The following DNAAF11 variants were observed in gnomAD, a reference collection of about 807,000 sequenced individuals.
DNAAF11 encodes the protein dynein axonemal assembly factor 11, also known as leucine rich repeat containing 6.
Under a neutral mutation model 60.8 loss-of-function variants are expected in DNAAF11, and 45 were observed. The ratio of observed to expected loss-of-function variants is 0.74; its 90% confidence interval spans 0.58 to 0.95. The LOEUF is 0.95. Among genes scored for constraint, DNAAF11 ranks in the 40% least tolerant of loss-of-function variants. The probability of loss-of-function intolerance (pLI) is 0.00; values close to 1 mark genes in which losing one functional copy is unlikely to be tolerated. For missense variants in DNAAF11, 546 were observed against 546.2 expected (o/e 1.00, Z 0.00); for synonymous variants, 191 against 183.5 (o/e 1.04, Z -0.33).
At chr8:132,601,484 T>G (rs1817614731) in intron 10 of DNAAF11, among the ~76,000 whole-genome samples, 1 of 152,218 alleles carries the variant, frequency 6.6e-6, no homozygotes, top group Non-Finnish European at 1.5e-5. Context: ...GTATGTTTAT[T>G]GCAGCACTAT....
In DNAAF11 at chr8:132,595,347, G is replaced by GAAAAAAAAAAA. The variant is rs1563992420; in HGVS notation, c.1141-11569_1141-11568insTTTTTTTTTTT. On this transcript the variant is annotated intron_variant, in intron 10 of 11. Coordinates refer to ENST00000620350, the MANE Select transcript of DNAAF11 (RefSeq NM_012472.6). ...TTCCCGAAAGAGAGAGAGACAGAGG[G>GAAAAAAAAAAA]GAAAAAAAAAAAAAAAAAAAAAAAA... 2.7e-4 allele frequency among the ~76,000 whole-genome samples: 11 copies of GAAAAAAAAAAA among 40,680 alleles called. 4 individuals are homozygous for GAAAAAAAAAAA. Among genetic ancestry groups the GAAAAAAAAAAA allele is most frequent in the African/African-American group, 3.2e-4 (4 of 12,570 alleles). 26.7% of individuals were successfully genotyped at this position (40,680 alleles called of 152,430 possible).
intron 3 of DNAAF11, among the ~76,000 whole-genome samples, chr8:132,639,168 A>G (rs1180542745): frequency 1.3e-5 from 2 of 152,220 alleles, no homozygotes; most frequent in African/African-American, 4.8e-5. Flanking sequence ...TGTGGAAAGA[A>G]GCAAGCACAG....
At chr8:132,701,865 T>C in the DNAAF11 span, among the ~76,000 whole-genome samples, 1 of 152,082 alleles carries the variant, frequency 6.6e-6, no homozygotes, top group Non-Finnish European at 1.5e-5. Flanking sequence ...TGACCCCAGA[T>C]GGTGGCAGCT....
chr8:132,693,172 A>T, the DNAAF11 span, among the ~76,000 whole-genome samples: 6 of 152,176 alleles, frequency 3.9e-5, no homozygotes, highest in Non-Finnish European at 8.8e-5. Flanking sequence ...GCAATGGAGA[A>T]GGGGACCCAG....
At chr8:132,641,027 C>T (rs1223195004) in intron 3 of DNAAF11, among the ~76,000 whole-genome samples, 2 of 151,916 alleles carry the variant, frequency 1.3e-5, no homozygotes, top group Non-Finnish European at 2.9e-5. Context: ...TGAGTTCATG[C>T]CAATATAAGA....
At chr8:132,677,671 G>T (rs1038157196), upstream of DNAAF11, among the ~76,000 whole-genome samples, 1 of 152,078 alleles carries the variant, frequency 6.6e-6, no homozygotes, top group African/African-American at 2.4e-5. Context: ...TTGAGCCCAG[G>T]AGTTCGAGGC....
At chr8:132,674,136 A>AGGAGGAGGAGGAGGAGG (rs1825494296) in intron 1 of DNAAF11, among the ~76,000 whole-genome samples, 1 of 36,118 alleles carries the variant, frequency 2.8e-5, no homozygotes, top group Non-Finnish European at 5.8e-5. Flanking sequence ...GGAGGAGGAG[A>AGGAGGAGGAGGAGGAGG]AGGAGGAGGA....
intron 10 of DNAAF11, among the ~76,000 whole-genome samples, chr8:132,590,867 A>G (rs915768354): frequency 2.6e-5 from 4 of 152,226 alleles, no homozygotes; most frequent in Non-Finnish European, 4.4e-5. Flanking sequence ...GAACCAGAAA[A>G]ATGTGGTCAC....
the DNAAF11 span, among the ~76,000 whole-genome samples, chr8:132,697,500 C>A: frequency 6.6e-6 from 1 of 152,066 alleles, no homozygotes; most frequent in East Asian, 1.9e-4. Flanking sequence ...CACCTGTAAT[C>A]CCCGCTGCTT....
In DNAAF11 at chr8:132,609,066, T is replaced by C. The variant is rs560901628; in HGVS notation, c.1140+1100A>G. Among the ~76,000 whole-genome samples, 11 of 152,316 alleles carry C rather than the reference T, an allele frequency of 7.2e-5. No individual in the cohort carries two copies. In the South Asian group the frequency reaches 8.3e-4, roughly 11 times the overall value. On this transcript the variant is annotated intron_variant, in intron 10 of 11. Transcript: ENST00000620350. Reference sequence around the variant, plus strand: ...GACTGGTTTATCTACTCTTCCCCTTTGAAATCTAAATGACTTGGGCAAAGT... The same window carrying C: ...GACTGGTTTATCTACTCTTCCCCTTCGAAATCTAAATGACTTGGGCAAAGT...
intron 5 of DNAAF11, among the ~76,000 whole-genome samples, chr8:132,631,610 T>C (rs1820799339): frequency 6.6e-6 from 1 of 152,104 alleles, no homozygotes; most frequent in Non-Finnish European, 1.5e-5. Flanking sequence ...GATCAACATA[T>C]ATCAAACACG....
intron 1 of DNAAF11, among the ~76,000 whole-genome samples, chr8:132,667,175 G>A (rs1422450823): frequency 3.3e-5 from 5 of 152,196 alleles, no homozygotes; most frequent in Non-Finnish European, 7.3e-5. Flanking sequence ...GATGGGATGT[G>A]TAGTGTTGTC....
Position 132,611,367 on chromosome 8 carries a change from CA to C in DNAAF11, c.975-5del. 1 of 1,534,848 alleles carries C rather than the reference CA, an allele frequency of 6.5e-7. No homozygotes were observed. Among genetic ancestry groups the C allele is most frequent in the Non-Finnish European group, 9.0e-7 (1 of 1,113,060 alleles). The stretch of plus-strand genomic sequence containing the variant: ...GATTAAAGAGGTATCCATATACCTT[CA>C]AAATTAAACACAGAAAATCTTATAA... On this transcript the variant is annotated splice_polypyrimidine_tract_variant and splice_region_variant and intron_variant, in intron 8 of 11. Coordinates refer to ENST00000620350, the MANE Select transcript of DNAAF11 (RefSeq NM_012472.6).
chr8:132,615,120 GA>G, intron 7 of DNAAF11, 23 bp from the exon 8 acceptor site: 4 of 1,474,340 alleles, frequency 2.7e-6, no homozygotes, highest in Non-Finnish European at 1.9e-6. Flanking sequence ...CATTTGGTGG[GA>G]AAAAAGAGAT....
intron 5 of DNAAF11, among the ~76,000 whole-genome samples, chr8:132,625,783 A>G (rs528478623): frequency 6.6e-6 from 1 of 152,302 alleles, no homozygotes; most frequent in South Asian, 2.1e-4. Context: ...AAAAGTACAG[A>G]TTCCTGGGCT....
At chr8:132,597,188 A>T (rs1000330115) in intron 10 of DNAAF11, among the ~76,000 whole-genome samples, 2 of 152,210 alleles carry the variant, frequency 1.3e-5, no homozygotes, top group Middle Eastern at 3.4e-3. Flanking sequence ...TTTTAAAATA[A>T]CCATATACAG....
chr8:132,674,493 T>G (rs1410836082), intron 1 of DNAAF11, among the ~76,000 whole-genome samples: 1 of 152,216 alleles, frequency 6.6e-6, no homozygotes, highest in Non-Finnish European at 1.5e-5. Flanking sequence ...TGTACAAAAC[T>G]GCCATATGGG....
chr8:132,584,759 G>C (rs999035232), intron 10 of DNAAF11, among the ~76,000 whole-genome samples: 30 of 152,228 alleles, frequency 2.0e-4, no homozygotes, highest in South Asian at 4.2e-4. Context: ...AAGGCTATCT[G>C]CCTTTCTCTG....
chr8:132,689,046 T>C, the DNAAF11 span, among the ~76,000 whole-genome samples: 1 of 152,246 alleles, frequency 6.6e-6, no homozygotes, highest in Non-Finnish European at 1.5e-5. Context: ...AATTGTTCTT[T>C]ATTTTCTGTT....
Sources: gnomAD v4.1 joint callset for allele counts (sites outside exome capture counted in the v4.1 genomes callset) on GRCh38, gnomAD v4.1.1 for gene constraint, MANE v1.5 for transcripts, NCBI Gene and HGNC (gene_info 2026-07-23, HGNC 2026-07-21) for gene names.